SLC14A2: variants seen among roughly 807,000 people sequenced by gnomAD.
SLC14A2 encodes the protein urea transporter 2.
A neutral mutation model predicts 104.6 loss-of-function variants in SLC14A2; 91 were observed. That is an observed-to-expected ratio of 0.87 (90% CI 0.73 to 1.04). The LOEUF (loss-of-function observed/expected upper bound fraction) is 1.04, where lower values mean the gene tolerates loss of function less well. Ranked by LOEUF, SLC14A2 falls within the 50% of genes least tolerant of loss-of-function variation. SLC14A2 has a pLI of 0.00. For missense variants in SLC14A2, 1,189 were observed against 1,156.0 expected, an observed-to-expected ratio of 1.03 and a Z score of -0.41; for synonymous variants, 476 against 466.4, an observed-to-expected ratio of 1.02 and a Z score of -0.27.
rs2085664773 is a variant in SLC14A2, at chr18:45,366,264, G to A, written c.-124-116969G>A. On this transcript the variant is annotated intron_variant, in intron 1 of 20. Transcript: ENST00000586448. ...CACCACGATCACACCATCCTTCCTG[G>A]GCTCAATCCCCAACTTCACCCAGGG... Among the ~76,000 whole-genome samples the A allele has an allele frequency of 2.0e-5, 3 of 151,974 alleles. No individual in the cohort carries two copies. The South Asian group carries it at 6.2e-4, about 32-fold the overall frequency.
At chr18:45,489,879 A>G (rs2087688071) in intron 2 of SLC14A2, 1 of 152,222 alleles carries the variant, frequency 6.6e-6, no homozygotes, top group African/African-American at 2.4e-5. Flanking sequence ...TGTTCAAAGC[A>G]TCTCTCATCT....
intron 2 of SLC14A2, among the ~76,000 whole-genome samples, chr18:45,569,736 G>A (rs1274503890): frequency 6.6e-6 from 1 of 152,184 alleles, no homozygotes; most frequent in East Asian, 1.9e-4. Context: ...TCTACCAAGA[G>A]TGTGAGTCCA....
chr18:45,470,699 T>C (rs185014749), intron 1 of SLC14A2, among the ~76,000 whole-genome samples: 1 of 152,298 alleles, frequency 6.6e-6, no homozygotes, highest in African/African-American at 2.4e-5. Flanking sequence ...GATAATGACA[T>C]GTGTATAGTT....
At chr18:45,634,507 C>T (rs1028254437) in intron 5 of SLC14A2, among the ~76,000 whole-genome samples, 25 of 152,152 alleles carry the variant, frequency 1.6e-4, no homozygotes, top group South Asian at 4.1e-4. Flanking sequence ...TTTGAGCTGT[C>T]GCCTAAATGA....
At chr18:45,553,030 G>A (rs1009981260) in intron 2 of SLC14A2, among the ~76,000 whole-genome samples, 9 of 152,196 alleles carry the variant, frequency 5.9e-5, no homozygotes, top group African/African-American at 2.2e-4. Context: ...GCAATGAGGT[G>A]AGAGATGATG....
intron 1 of SLC14A2, among the ~76,000 whole-genome samples, chr18:45,261,304 G>A (rs1326230812): frequency 6.6e-6 from 1 of 150,744 alleles, no homozygotes; most frequent in East Asian, 2.0e-4. Context: ...GAGAATGATG[G>A]TTTCCAGCTT....
intron 2 of SLC14A2, among the ~76,000 whole-genome samples, chr18:45,490,179 AGACT>A (rs909419447): frequency 6.6e-6 from 1 of 152,238 alleles, no homozygotes; most frequent in Non-Finnish European, 1.5e-5. Context: ...AATTTGAAAA[AGACT>A]GACTATGAAG....
At chr18:45,207,747 C>T in the SLC14A2 span, among the ~76,000 whole-genome samples, 326 of 152,012 alleles carry the variant, frequency 2.1e-3, 1 homozygote, top group Admixed American at 5.6e-3. Flanking sequence ...TCACGTTTCA[C>T]GATAGAAATT....
chr18:45,272,005 G>T (rs572699316), intron 1 of SLC14A2, among the ~76,000 whole-genome samples: 239 of 152,168 alleles, frequency 1.6e-3, no homozygotes, highest in Non-Finnish European at 2.8e-3. Context: ...TACATGTATA[G>T]TAAACTCATC....
chr18:45,353,922 T>C (rs2085526515), intron 1 of SLC14A2, among the ~76,000 whole-genome samples: 2 of 152,160 alleles, frequency 1.3e-5, no homozygotes, highest in Admixed American at 1.3e-4. Flanking sequence ...TTCCTGAGGT[T>C]AAAAAGTTTT....
At chr18:45,598,385 A>T (rs974542127) in intron 2 of SLC14A2, among the ~76,000 whole-genome samples, 6 of 152,164 alleles carry the variant, frequency 3.9e-5, no homozygotes, top group African/African-American at 7.2e-5. Context: ...GGGTCTGCTC[A>T]GGAGAGTGGC....
the SLC14A2 span, among the ~76,000 whole-genome samples, chr18:45,194,453 C>T: frequency 1.3e-5 from 2 of 152,122 alleles, no homozygotes; most frequent in South Asian, 2.1e-4. Flanking sequence ...TTTATTTTTG[C>T]TCATTCGTTT....
chr18:45,324,355 T>C (rs1551823), intron 1 of SLC14A2, among the ~76,000 whole-genome samples: 152,294 of 152,300 alleles, frequency 1, 76,144 homozygotes, highest in Middle Eastern at 1. Context: ...TTTTCTGCAC[T>C]CAAGCAATCG....
At chr18:45,210,444 G>T (rs1301550620), upstream of SLC14A2, among the ~76,000 whole-genome samples, 1 of 152,144 alleles carries the variant, frequency 6.6e-6, no homozygotes, top group Non-Finnish European at 1.5e-5. Context: ...ATGGGCATGG[G>T]GGTGTGCACC....
intron 1 of SLC14A2, among the ~76,000 whole-genome samples, chr18:45,437,076 A>G (rs936658656): frequency 1.1e-4 from 16 of 152,164 alleles, no homozygotes; most frequent in Admixed American, 8.5e-4. Flanking sequence ...CTTCCCACAC[A>G]CACAGGCACG....
rs1859955830 is a variant in SLC14A2, at chr18:45,369,687, TA to T, written c.-124-113545del. On this transcript the variant is annotated intron_variant, in intron 1 of 20. Transcript: ENST00000586448. ...TCATGTGTGTGTATATTTACACAAATACATATTTTACGTATGAACTTGCTCA... is the reference window on the plus strand; with the variant it reads ...TCATGTGTGTGTATATTTACACAAATCATATTTTACGTATGAACTTGCTCA... Among the ~76,000 whole-genome samples the T allele has an allele frequency of 5.9e-5, 9 of 152,362 alleles. No individual in the cohort carries two copies. The South Asian group carries it at 1.9e-3, about 32-fold the overall frequency.
At chr18:45,426,694 TACATAC>T (rs1179179577) in intron 1 of SLC14A2, among the ~76,000 whole-genome samples, 8 of 90,262 alleles carry the variant, frequency 8.9e-5, no homozygotes, top group South Asian at 4.9e-4. Context: ...CATATATACA[TACATAC>T]ACACACACAC....
chr18:45,535,836 C>T (rs1178676689), intron 2 of SLC14A2, among the ~76,000 whole-genome samples: 1 of 152,198 alleles, frequency 6.6e-6, no homozygotes, highest in African/African-American at 2.4e-5. Flanking sequence ...TCCCCTAGCC[C>T]TAGTGCCTCT....
At chr18:45,336,997 T>G (rs913668311) in intron 1 of SLC14A2, among the ~76,000 whole-genome samples, 1 of 146,832 alleles carries the variant, frequency 6.8e-6, no homozygotes, top group African/African-American at 2.5e-5. Flanking sequence ...TATAGCCTAG[T>G]TTTTTTTTTT....
Sources: gnomAD v4.1 joint callset for allele counts (sites outside exome capture counted in the v4.1 genomes callset) on GRCh38, gnomAD v4.1.1 for gene constraint, MANE v1.5 for transcripts, NCBI Gene and HGNC (gene_info 2026-07-23, HGNC 2026-07-21) for gene names.